The following CD226 variants were observed in gnomAD, a reference collection of about 807,000 sequenced individuals.
CD226 encodes CD226 antigen.
In CD226, 24 loss-of-function variants were observed where a neutral mutation model predicts 34.9. The ratio of observed to expected loss-of-function variants is 0.69; its 90% confidence interval spans 0.50 to 0.97. The LOEUF (loss-of-function observed/expected upper bound fraction) is 0.97. CD226 is among the 50% of genes least tolerant of loss of function. CD226 has a pLI of 0.00. For synonymous variants in CD226, 148 were observed against 147.4 expected (o/e 1.00, Z -0.03); for missense variants, 397 against 412.7 (o/e 0.96, Z 0.33).
intron 2 of CD226, among the ~76,000 whole-genome samples, chr18:69,912,876 G>C (rs974839457): frequency 1.3e-5 from 2 of 151,090 alleles, no homozygotes; most frequent in Non-Finnish European, 2.9e-5. Flanking sequence ...TAACAAATGG[G>C]ATCTGTTTCT....
chr18:69,905,360 C>T (rs969613573), intron 2 of CD226, among the ~76,000 whole-genome samples: 1 of 152,142 alleles, frequency 6.6e-6, no homozygotes, highest in Non-Finnish European at 1.5e-5. Flanking sequence ...CGGCAGGCAC[C>T]AACACATTAG....
At chr18:69,941,484 G>C (rs2055723458) in intron 2 of CD226, among the ~76,000 whole-genome samples, 1 of 152,264 alleles carries the variant, frequency 6.6e-6, no homozygotes, top group South Asian at 2.1e-4. Flanking sequence ...GCATGCCCAG[G>C]ATGTGGGACA....
intron 4 of CD226, 148 bp from the exon 5 acceptor site, chr18:69,867,559 TTA>T (rs1193857835): frequency 5.2e-6 from 3 of 577,398 alleles, no homozygotes; most frequent in Non-Finnish European, 9.1e-6. Context: ...CAAAATTCTG[TTA>T]CCCTACAGTT....
intron 2 of CD226, among the ~76,000 whole-genome samples, chr18:69,917,579 CT>C (rs552067484): frequency 5.9e-4 from 90 of 152,280 alleles, no homozygotes; most frequent in African/African-American, 2.1e-3. Context: ...CAGCTGTTGA[CT>C]TTTTTAAAAA....
intron 2 of CD226, among the ~76,000 whole-genome samples, chr18:69,898,588 T>C (rs747049402): frequency 2.0e-5 from 3 of 152,138 alleles, no homozygotes; most frequent in Admixed American, 6.5e-5. Flanking sequence ...CGCCTCTCAA[T>C]AGACTCAGCC....
At chr18:69,921,877 T>G (rs926165055) in intron 2 of CD226, among the ~76,000 whole-genome samples, 1 of 152,206 alleles carries the variant, frequency 6.6e-6, no homozygotes, top group Non-Finnish European at 1.5e-5. Context: ...TTTATGGGTT[T>G]TTTTAATTTG....
At chr18:69,927,371 C>CAT (rs1465060258) in intron 2 of CD226, among the ~76,000 whole-genome samples, 2 of 151,152 alleles carry the variant, frequency 1.3e-5, no homozygotes, top group South Asian at 4.2e-4. Context: ...ACTACACACA[C>CAT]ACACACACAC....
At chr18:69,889,787 C>T (rs1984779187) in intron 3 of CD226, among the ~76,000 whole-genome samples, 1 of 152,122 alleles carries the variant, frequency 6.6e-6, no homozygotes, top group African/African-American at 2.4e-5. Context: ...CTTGTCAATC[C>T]TATACCTCAC....
chr18:69,930,524 T>C (rs1568199259), intron 2 of CD226, among the ~76,000 whole-genome samples: 1 of 24,294 alleles, frequency 4.1e-5, no homozygotes, highest in Non-Finnish European at 6.1e-4. Context: ...CCTGCCAGTC[T>C]AAGCAACGTG....
intron 2 of CD226, among the ~76,000 whole-genome samples, chr18:69,931,221 A>G (rs1227967564): frequency 6.6e-6 from 1 of 151,818 alleles, no homozygotes; most frequent in African/African-American, 2.4e-5. Context: ...ATCACACACC[A>G]GGAACTGTTG....
intron 3 of CD226, among the ~76,000 whole-genome samples, chr18:69,889,489 A>T (rs946118699): frequency 0.067 from 256 of 3,848 alleles, no homozygotes; most frequent in African/African-American, 0.1. Context: ...GGAATCCTTA[A>T]AAAAAAAAAA....
At chr18:69,901,283 TTAA>T (rs1387494192) in intron 2 of CD226, among the ~76,000 whole-genome samples, 10 of 152,204 alleles carry the variant, frequency 6.6e-5, no homozygotes, top group Non-Finnish European at 1.2e-4. Context: ...AAGTAGACAC[TTAA>T]TAATTTTAAG....
chr18:69,888,324 G>A (rs17081797), intron 3 of CD226, among the ~76,000 whole-genome samples: 13,931 of 151,620 alleles, frequency 0.092, 700 homozygotes, highest in South Asian at 0.16. Context: ...TTCCATATAC[G>A]ACAATAAAGT....
chr18:69,884,449 G>C (rs1984443890), intron 3 of CD226, among the ~76,000 whole-genome samples: 1 of 152,222 alleles, frequency 6.6e-6, no homozygotes, highest in African/African-American at 2.4e-5. Context: ...ATTGACTTTA[G>C]AAAACTTGTA....
chr18:69,930,196 G>A (rs1399311229), intron 2 of CD226, among the ~76,000 whole-genome samples: 1 of 152,180 alleles, frequency 6.6e-6, no homozygotes. Flanking sequence ...TAAAAGATGA[G>A]TGTTTTGAAT....
rs138709193 is a variant in CD226, at chr18:69,876,387, G to A, written c.728-3141C>T. Among the ~76,000 whole-genome samples the A allele has an allele frequency of 2.2e-3, 335 of 152,276 alleles. 2 individuals are homozygous for A. The highest frequency in any genetic ancestry group is 3.8e-3 in the Admixed American group (58 of 15,296). ...AAAGTACGACCACTTGTGACACACT[G>A]TTCAATTATAAATCCAAATTTCAGA... On this transcript the variant is annotated intron_variant, in intron 3 of 5. Transcript: ENST00000582621.
intron 2 of CD226, among the ~76,000 whole-genome samples, chr18:69,915,921 AG>A (rs1258922124): frequency 1.3e-5 from 2 of 152,208 alleles, no homozygotes; most frequent in Non-Finnish European, 2.9e-5. Flanking sequence ...ATCAAATCAC[AG>A]GATGTGCCAG....
intron 2 of CD226, among the ~76,000 whole-genome samples, chr18:69,919,187 T>A (rs1264753817): frequency 6.6e-6 from 1 of 152,228 alleles, no homozygotes; most frequent in Non-Finnish European, 1.5e-5. Flanking sequence ...GAGTACTGGA[T>A]ATTATCTCAG....
At chr18:69,961,145 T>G (rs1471470791), upstream of CD226, among the ~76,000 whole-genome samples, 1 of 152,180 alleles carries the variant, frequency 6.6e-6, no homozygotes, top group East Asian at 1.9e-4. Flanking sequence ...ACAGCAAAAT[T>G]TACACGTGTA....
Sources: allele counts gnomAD v4.1 joint callset (sites outside exome capture counted in the v4.1 genomes callset), GRCh38; gene constraint gnomAD v4.1.1; transcripts MANE v1.5; gene names NCBI Gene and HGNC (gene_info 2026-07-23, HGNC 2026-07-21).